Variants in BRIP1 observed in about 807,000 individuals in gnomAD.
BRIP1 encodes BRCA1 interacting DNA helicase 1.
In BRIP1, 88 loss-of-function variants were observed where a neutral mutation model predicts 119.7. The ratio of observed to expected loss-of-function variants is 0.74; its 90% CI spans 0.62 to 0.88. The LOEUF (loss-of-function observed/expected upper bound fraction) is 0.88, where lower values mean the gene tolerates loss of function less well. Ranked by LOEUF, BRIP1 falls within the 40% of genes least tolerant of loss-of-function variation. The pLI is 0.00. For missense variants in BRIP1, 1,259 were observed against 1,455.4 expected (o/e 0.87, Z 2.20); for synonymous variants, 443 against 496.5 (o/e 0.89, Z 1.43).
rs889969667 is a variant in BRIP1 at position 61,843,932 on chromosome 17, A to T, written c.627+3169T>A. On this transcript the variant is annotated intron_variant, in intron 6 of 19. Transcript: ENST00000259008. The surrounding 1 kb of genome is among the most constrained non-coding windows in gnomAD (Gnocchi z 5.7). ...TTTTTATTTTATGTATTTATTTTTTATTTTTTTTTAGAGACAGGGTCTCGC... is the reference window on the plus strand; with the variant it reads ...TTTTTATTTTATGTATTTATTTTTTTTTTTTTTTTAGAGACAGGGTCTCGC... 3.6e-4 allele frequency among the ~76,000 whole-genome samples: 54 copies of T among 149,790 alleles called. No homozygotes were observed. Among genetic ancestry groups the T allele is most frequent in the East Asian group, 1.9e-3 (10 of 5,136 alleles).
intron 8 of BRIP1, among the ~76,000 whole-genome samples, chr17:61,800,237 C>T (rs180699839): frequency 1.4e-4 from 22 of 152,110 alleles, no homozygotes; most frequent in Admixed American, 1.1e-3. Flanking sequence ...CTGACTAATA[C>T]AAGGAACTGT....
Position 61,743,130 on chromosome 17 carries a change from T to A in BRIP1, c.2262A>T (p.Gly754=), listed in dbSNP as rs1060504324. The change falls in exon 16 of 20, where the codon GGA becomes GGT. Residue 754 remains glycine (G), a synonymous_variant. Transcript: ENST00000259008. The surrounding 1 kb of genome is among the most constrained non-coding windows in gnomAD (Gnocchi z 4.3). ...CACGACAAACTGCTACCAGGAGAGC[T>A]CCATCTTAAACAACAGAAAAAAGCA... is the stretch of plus-strand genomic sequence containing the variant. The part of the protein sequence containing the change: ...DAIKYKGEKD[G]ALLVAVCRGK... 3 of 1,613,906 alleles carry A rather than the reference T, an allele frequency of 1.9e-6. No individual in the cohort carries two copies. The highest frequency in any genetic ancestry group is 1.7e-6 in the Non-Finnish European group (2 of 1,179,882).
In BRIP1 at chr17:61,680,514, C is replaced by T. The variant is rs1372721334; in HGVS notation, c.*2782G>A. On this transcript the variant is annotated 3_prime_UTR_variant, in exon 20 of 20. Transcript: ENST00000259008. ...TTTTTTTTTGAGACGGAGTCCCGCT[C>T]TGTCGCCCAGGCTGGAGTGCAGTGG... is the stretch of plus-strand genomic sequence containing the variant. Among the ~76,000 whole-genome samples, 6 of 141,144 alleles carry T rather than the reference C, an allele frequency of 4.3e-5. No homozygotes were observed. The highest frequency in any genetic ancestry group is 7.6e-5 in the Non-Finnish European group (5 of 66,094). 92.6% of individuals were successfully genotyped at this position (141,144 alleles called of 152,430 possible).
In BRIP1 at chr17:61,748,829, G is replaced by A. The variant is rs1309787226; in HGVS notation, c.2098-4238C>T. 6.6e-6 allele frequency among the ~76,000 whole-genome samples: 1 copy of A among 152,138 alleles called. No individual in the cohort carries two copies. The highest frequency in any genetic ancestry group is 2.4e-5 in the African/African-American group (1 of 41,438). On this transcript the variant is annotated intron_variant, in intron 14 of 19. Coordinates refer to ENST00000259008, the MANE Select transcript of BRIP1 (RefSeq NM_032043.3). This position sits in a 1 kb window ranked among gnomAD's most constrained non-coding sequence, Gnocchi z 4.7. ...ACAAAAGTTCACTCAAAATGGATTA[G>A]ACTTAAATGTAAGATTTCAAACTGT...
At chr17:61,792,320 T>A (rs184486188) in intron 10 of BRIP1, among the ~76,000 whole-genome samples, 2 of 152,302 alleles carry the variant, frequency 1.3e-5, no homozygotes, top group East Asian at 3.9e-4. Flanking sequence ...AATACAACAA[T>A]TGTGTTCCTA....
At chr17:61,836,284 T>C (rs912810935) in intron 6 of BRIP1, among the ~76,000 whole-genome samples, 4 of 151,872 alleles carry the variant, frequency 2.6e-5, no homozygotes, top group Non-Finnish European at 5.9e-5. Flanking sequence ...CTAATTTTGT[T>C]TGTTTGTTTT....
rs958898271 is a variant in BRIP1, at chr17:61,834,384, C to G, written c.627+12717G>C. 2.0e-5 allele frequency among the ~76,000 whole-genome samples: 3 copies of G among 152,022 alleles called. No individual in the cohort carries two copies. Among genetic ancestry groups the G allele is most frequent in the African/African-American group, 7.2e-5 (3 of 41,450 alleles). On this transcript the variant is annotated intron_variant, in intron 6 of 19. Coordinates refer to ENST00000259008, the MANE Select transcript of BRIP1 (RefSeq NM_032043.3). The surrounding 1 kb of genome is among the most constrained non-coding windows in gnomAD (Gnocchi z 4.4). ...GCAGGAGTGAGCCACCACGCTCGGC[C>G]CAATAATTACGATTTTTTTGAGAGC...
At chr17:61,837,835 G>A (rs924349567) in intron 6 of BRIP1, among the ~76,000 whole-genome samples, 1 of 152,030 alleles carries the variant, frequency 6.6e-6, no homozygotes, top group African/African-American at 2.4e-5. Context: ...GGGGACACCA[G>A]AAAGTTAATT....
intron 14 of BRIP1, among the ~76,000 whole-genome samples, chr17:61,772,987 C>T (rs1188385065): frequency 1.3e-5 from 2 of 151,730 alleles, no homozygotes; most frequent in African/African-American, 4.8e-5. Flanking sequence ...GTTGTTTTTT[C>T]ATTATAACCA....
rs2078663607 is a variant in BRIP1 at position 61,841,915 on chromosome 17, G to A, written c.627+5186C>T. 1.3e-5 allele frequency among the ~76,000 whole-genome samples: 2 copies of A among 152,090 alleles called. No individual in the cohort carries two copies. The highest frequency in any genetic ancestry group is 2.9e-5 in the Non-Finnish European group (2 of 68,014). On this transcript the variant is annotated intron_variant, in intron 6 of 19. Coordinates refer to ENST00000259008, the MANE Select transcript of BRIP1 (RefSeq NM_032043.3). This position sits in a 1 kb window ranked among gnomAD's most constrained non-coding sequence, Gnocchi z 4.1. ...GGGGCTGGTCTCAAACTCCTGGCCT[G>A]AGTGATTCTCCTACCTGAGCCTTCC... is the stretch of plus-strand genomic sequence containing the variant.
Position 61,738,820 on chromosome 17 carries a change from A to G in BRIP1, c.2379+4193T>C, listed in dbSNP as rs1387646189. Reference sequence around the variant, plus strand: ...CTTGCAGCTTATTTTCCTTTACTAAAAATTATGGAAAAAGTTAAAATTCTT... The same window carrying G: ...CTTGCAGCTTATTTTCCTTTACTAAGAATTATGGAAAAAGTTAAAATTCTT... On this transcript the variant is annotated intron_variant, in intron 16 of 19. Coordinates refer to ENST00000259008, the MANE Select transcript of BRIP1 (RefSeq NM_032043.3). This position sits in a 1 kb window ranked among gnomAD's most constrained non-coding sequence, Gnocchi z 4.2. Among the ~76,000 whole-genome samples the G allele has an allele frequency of 6.6e-6, 1 of 152,134 alleles. No individual in the cohort carries two copies. Among genetic ancestry groups the G allele is most frequent in the Non-Finnish European group, 1.5e-5 (1 of 68,010 alleles).
chr17:61,783,642 T>C (rs1014225546), intron 11 of BRIP1, among the ~76,000 whole-genome samples: 3 of 152,086 alleles, frequency 2.0e-5, no homozygotes, highest in African/African-American at 7.2e-5. Flanking sequence ...GATTGGTTGT[T>C]TTTCATTTTC....
At chr17:61,838,875 A>C (rs2078616632) in intron 6 of BRIP1, among the ~76,000 whole-genome samples, 1 of 152,088 alleles carries the variant, frequency 6.6e-6, no homozygotes, top group Non-Finnish European at 1.5e-5. Context: ...TTTTGGCAAT[A>C]AACTCATTTC....
rs552749451 is a variant in BRIP1, at chr17:61,759,692, C to T, written c.2098-15101G>A. 7.9e-5 allele frequency among the ~76,000 whole-genome samples: 12 copies of T among 151,878 alleles called. No individual in the cohort carries two copies. Among genetic ancestry groups the T allele is most frequent in the African/African-American group, 2.2e-4 (9 of 41,464 alleles). ...ATTTTTGTTACCCATCATATATAAA[C>T]GGTTAATGTTTATACTATACTGCAG... On this transcript the variant is annotated intron_variant, in intron 14 of 19. Coordinates refer to ENST00000259008, the MANE Select transcript of BRIP1 (RefSeq NM_032043.3). This position sits in a 1 kb window ranked among gnomAD's most constrained non-coding sequence, Gnocchi z 4.9.
At chr17:61,719,618 G>A (rs933399481) in intron 16 of BRIP1, among the ~76,000 whole-genome samples, 3 of 151,714 alleles carry the variant, frequency 2.0e-5, no homozygotes, top group Non-Finnish European at 4.4e-5. Context: ...CCAGCTACTC[G>A]GGAGGCTGAG....
intron 16 of BRIP1, among the ~76,000 whole-genome samples, chr17:61,728,325 A>AAAC (rs2076797772): frequency 6.6e-6 from 1 of 151,608 alleles, no homozygotes; most frequent in African/African-American, 2.4e-5. Context: ...AAAAAAAAAA[A>AAAC]AAAACCCCAG....
chr17:61,697,486 C>T (rs964416462), intron 17 of BRIP1, among the ~76,000 whole-genome samples: 2 of 149,368 alleles, frequency 1.3e-5, no homozygotes, highest in African/African-American at 2.5e-5. Flanking sequence ...TCTTATAATC[C>T]TTTGTATTTC....
At position 61,774,326 on chromosome 17, in the gene BRIP1, A is replaced by G. The variant is rs1426737297; in HGVS notation, c.2097+2075T>C. Among the ~76,000 whole-genome samples the G allele has an allele frequency of 2.0e-5, 3 of 152,208 alleles. No homozygotes were observed. The highest frequency in any genetic ancestry group is 6.5e-5 in the Admixed American group (1 of 15,284). On this transcript the variant is annotated intron_variant, in intron 14 of 19. Transcript: ENST00000259008. This position sits in a 1 kb window ranked among gnomAD's most constrained non-coding sequence, Gnocchi z 5.8. ...TGGAAACCATCATTCTCAGCAAACT[A>G]TCACAAAGACAGAAAACCAAACACC...
chr17:61,771,910 T>C (rs533303038), intron 14 of BRIP1, among the ~76,000 whole-genome samples: 2 of 151,976 alleles, frequency 1.3e-5, no homozygotes, highest in East Asian at 3.9e-4. Context: ...TGCAATGAGC[T>C]GAGATGATGC....
Sources: allele counts gnomAD v4.1 joint callset (sites outside exome capture counted in the v4.1 genomes callset), GRCh38; gene constraint gnomAD v4.1.1; non-coding constraint Gnocchi (gnomAD v3.1); transcripts MANE v1.5; gene names NCBI Gene and HGNC (gene_info 2026-07-23, HGNC 2026-07-21).